The following ADK variants were observed in gnomAD, a reference collection of about 807,000 sequenced individuals.
ADK encodes the protein N6,N6-dimethyladenosine kinase.
In ADK, 24 loss-of-function variants were observed where a neutral mutation model predicts 44.7. The ratio of observed to expected loss-of-function variants is 0.54; its 90% confidence interval spans 0.39 to 0.76. The LOEUF (loss-of-function observed/expected upper bound fraction) is 0.76. Among genes scored for constraint, ADK ranks in the 30% least tolerant of loss-of-function variants. ADK has a pLI of 0.00. For synonymous variants in ADK, 128 were observed against 142.6 expected, an observed-to-expected ratio of 0.90 and a Z score of 0.73; for missense variants, 321 against 425.1, an observed-to-expected ratio of 0.76 and a Z score of 2.15.
intron 9 of ADK, among the ~76,000 whole-genome samples, chr10:74,643,687 T>C (rs1299571682): frequency 1.3e-5 from 2 of 152,188 alleles, no homozygotes; most frequent in Non-Finnish European, 2.9e-5. Flanking sequence ...GTGGGTGATA[T>C]GTTGTATTTG....
intron 6 of ADK, among the ~76,000 whole-genome samples, chr10:74,460,065 T>G (rs1846114606): frequency 6.6e-6 from 1 of 152,204 alleles, no homozygotes; most frequent in Non-Finnish European, 1.5e-5. Context: ...GATTTGGGTT[T>G]GGAAGCTTGT....
intron 10 of ADK, among the ~76,000 whole-genome samples, chr10:74,680,645 A>G (rs1855571469): frequency 6.6e-6 from 1 of 152,198 alleles, no homozygotes; most frequent in Non-Finnish European, 1.5e-5. Flanking sequence ...CCTAGCAGAA[A>G]TCTTCACTGT....
intron 6 of ADK, among the ~76,000 whole-genome samples, chr10:74,439,922 G>T (rs953654003): frequency 1.3e-5 from 2 of 151,406 alleles, no homozygotes; most frequent in South Asian, 2.1e-4. Context: ...CCTGTTATTA[G>T]GTTATATAAT....
At chr10:74,164,564 T>G (rs987212256) in intron 1 of ADK, among the ~76,000 whole-genome samples, 3 of 152,056 alleles carry the variant, frequency 2.0e-5, no homozygotes, top group African/African-American at 7.2e-5. Context: ...CCTTTTTTTT[T>G]GGGAGGGGAG....
chr10:74,632,100 C>G (rs1482854579), intron 9 of ADK, among the ~76,000 whole-genome samples: 1 of 152,130 alleles, frequency 6.6e-6, no homozygotes, highest in Non-Finnish European at 1.5e-5. Flanking sequence ...GAAACTGTCT[C>G]TCTCCAGCTT....
chr10:74,217,092 G>A (rs1317730547), intron 2 of ADK, among the ~76,000 whole-genome samples: 2 of 152,232 alleles, frequency 1.3e-5, no homozygotes, highest in African/African-American at 2.4e-5. Context: ...AAGCACAAGG[G>A]GTCAGGGAGT....
At chr10:74,388,168 A>G (rs1305531445) in intron 4 of ADK, among the ~76,000 whole-genome samples, 1 of 152,154 alleles carries the variant, frequency 6.6e-6, no homozygotes, top group African/African-American at 2.4e-5. Flanking sequence ...CGGCTTCCCA[A>G]AGTGTCGGGA....
intron 10 of ADK, among the ~76,000 whole-genome samples, chr10:74,683,032 G>C (rs1351485532): frequency 6.6e-6 from 1 of 152,108 alleles, no homozygotes; most frequent in Non-Finnish European, 1.5e-5. Flanking sequence ...TGACTAATTG[G>C]TAGTCAATAT....
At chr10:74,519,519 C>A (rs1477473245) in intron 6 of ADK, among the ~76,000 whole-genome samples, 1 of 151,870 alleles carries the variant, frequency 6.6e-6, no homozygotes, top group East Asian at 1.9e-4. Context: ...CATTTTTTTA[C>A]ATTGATTTCA....
intron 4 of ADK, among the ~76,000 whole-genome samples, chr10:74,324,162 A>T (rs1019618364): frequency 1.3e-5 from 2 of 152,124 alleles, no homozygotes; most frequent in Non-Finnish European, 2.9e-5. Flanking sequence ...AGCTGGGTCT[A>T]TAGGTATGTG....
intron 6 of ADK, among the ~76,000 whole-genome samples, chr10:74,476,563 A>C (rs1366322896): frequency 2.0e-5 from 3 of 152,042 alleles, no homozygotes. Flanking sequence ...GCTTATATAT[A>C]GTTCTTTTTG....
intron 9 of ADK, among the ~76,000 whole-genome samples, chr10:74,602,990 G>A (rs1486233860): frequency 6.6e-6 from 1 of 152,190 alleles, no homozygotes; most frequent in African/African-American, 2.4e-5. Context: ...GGCTCTGGGT[G>A]TCATGTTAAG....
At chr10:74,703,336 G>T (rs191629483) in intron 10 of ADK, among the ~76,000 whole-genome samples, 28 of 151,990 alleles carry the variant, frequency 1.8e-4, no homozygotes, top group East Asian at 9.7e-4. Context: ...AAAAAAATTA[G>T]CCAGGCGTTG....
chr10:74,555,340 CTGTT>C (rs749994065), intron 7 of ADK, among the ~76,000 whole-genome samples: 3 of 152,146 alleles, frequency 2.0e-5, no homozygotes, highest in Non-Finnish European at 4.4e-5. Flanking sequence ...AACTGATTAA[CTGTT>C]TGTTGTTTTT....
At chr10:74,236,745 A>G (rs965918637) in intron 3 of ADK, among the ~76,000 whole-genome samples, 2 of 152,212 alleles carry the variant, frequency 1.3e-5, no homozygotes, top group Non-Finnish European at 2.9e-5. Context: ...TGAAGATTAT[A>G]TTCCCCAGTG....
chr10:74,483,220 A>G (rs11813905), intron 6 of ADK, among the ~76,000 whole-genome samples: 5,623 of 152,218 alleles, frequency 0.037, 318 homozygotes, highest in African/African-American at 0.12. Context: ...CCCACAGGCT[A>G]AACACTAGGT....
In ADK at chr10:74,586,367, C is replaced by CA. The variant is rs554886614; in HGVS notation, c.727-2909dup. On this transcript the variant is annotated intron_variant, in intron 7 of 10. Transcript: ENST00000539909. ...AAACCTGTGTGAGGGGGCACTAAGA[C>CA]AAAAAATTGAGTTGACTTTTTTTAA... is the stretch of plus-strand genomic sequence containing the variant. Among the ~76,000 whole-genome samples, 136 of 152,144 alleles carry CA rather than the reference C, an allele frequency of 8.9e-4. 1 individual carries two copies. Among genetic ancestry groups the CA allele is most frequent in the African/African-American group, 3.1e-3 (128 of 41,524 alleles).
chr10:74,179,757 AG>A (rs1486023238), intron 1 of ADK, among the ~76,000 whole-genome samples: 1 of 152,212 alleles, frequency 6.6e-6, no homozygotes, highest in Non-Finnish European at 1.5e-5. Context: ...CAAGATACTT[AG>A]TTGAGCAGCC....
intron 3 of ADK, among the ~76,000 whole-genome samples, chr10:74,290,362 A>G (rs1314204624): frequency 1.4e-4 from 22 of 152,110 alleles, no homozygotes; most frequent in Admixed American, 1.4e-3. Context: ...TTTATATTTT[A>G]ATTTTGTATG....
Sources: gnomAD v4.1 joint callset for allele counts (sites outside exome capture counted in the v4.1 genomes callset) on GRCh38, gnomAD v4.1.1 for gene constraint, MANE v1.5 for transcripts, NCBI Gene and HGNC (gene_info 2026-07-23, HGNC 2026-07-21) for gene names.